Variants in PIKFYVE observed in about 807,000 individuals in gnomAD.
PIKFYVE encodes phosphoinositide kinase, FYVE-type zinc finger containing.
PIKFYVE carries 122 observed loss-of-function variants against 257.9 expected under a neutral mutation model. The ratio of observed to expected loss-of-function variants is 0.47; its 90% CI spans 0.41 to 0.55. The LOEUF (loss-of-function observed/expected upper bound fraction) is 0.55. Among genes scored for constraint, PIKFYVE ranks in the 20% least tolerant of loss-of-function variants. The pLI is 0.00. For missense variants in PIKFYVE, 2,160 were observed against 2,536.6 expected (o/e 0.85, Z 3.19); for synonymous variants, 892 against 868.9 (o/e 1.03, Z -0.47).
rs144272739 is a variant in PIKFYVE at position 208,270,744 on chromosome 2, A to G, written c.-9-767A>G. Reference sequence around the variant, plus strand: ...TTTTTATATTACTTTTTAAAATATAAAAGTTGAGGCCAGGCATGGTGGCTC... The same window carrying G: ...TTTTTATATTACTTTTTAAAATATAGAAGTTGAGGCCAGGCATGGTGGCTC... On this transcript the variant is annotated intron_variant, in intron 1 of 41. Coordinates refer to ENST00000264380, the MANE Select transcript of PIKFYVE (RefSeq NM_015040.4). 5.3e-5 allele frequency among the ~76,000 whole-genome samples: 8 copies of G among 152,258 alleles called. 1 individual carries two copies. In the East Asian group the frequency reaches 1.5e-3, roughly 29 times the overall value.
At chr2:208,275,005 T>A (rs1244426560) in intron 3 of PIKFYVE, among the ~76,000 whole-genome samples, 1 of 152,214 alleles carries the variant, frequency 6.6e-6, no homozygotes, top group Non-Finnish European at 1.5e-5. Context: ...AGGTGGAGCC[T>A]TTACTGTCTA....
rs73060453 is a variant in PIKFYVE, at chr2:208,344,926, A to T, written c.5028-185A>T. The stretch of plus-strand genomic sequence containing the variant: ...TGGGTCATATTTTGTATTACCTTCT[A>T]TGAAGACATTGACCTTCCTCATGAA... On this transcript the variant is annotated intron_variant, in intron 32 of 41. Coordinates refer to ENST00000264380, the MANE Select transcript of PIKFYVE (RefSeq NM_015040.4). 4.0e-3 allele frequency among the ~76,000 whole-genome samples: 607 copies of T among 152,240 alleles called. 3 individuals are homozygous for T. The highest frequency in any genetic ancestry group is 0.014 in the African/African-American group (568 of 41,550).
At chr2:208,274,121 G>T (rs1689788582) in intron 3 of PIKFYVE, 1 of 1,493,328 alleles carries the variant, frequency 6.7e-7, no homozygotes, top group African/African-American at 1.4e-5. Context: ...TGATATGCAT[G>T]CCTCTGGCTG....
intron 1 of PIKFYVE, among the ~76,000 whole-genome samples, chr2:208,267,024 G>A (rs1688725307): frequency 6.6e-6 from 1 of 152,178 alleles, no homozygotes; most frequent in Admixed American, 6.5e-5. Flanking sequence ...TTAGGACTTA[G>A]GGGTTTTCTG....
rs141154642 is a variant in PIKFYVE at position 208,325,814 on chromosome 2, A to G, written c.3003A>G (p.Gln1001=). 5.6e-5 allele frequency: 90 copies of G among 1,613,954 alleles called. No homozygotes were observed. Among genetic ancestry groups the G allele is most frequent in the Non-Finnish European group, 7.1e-5 (84 of 1,179,972 alleles). Residue 1001 remains glutamine (Q), a synonymous_variant, in exon 20 of 42, where the codon CAA becomes CAG. Transcript: ENST00000264380. ...GCGAGCAGCCAGAGACTTTGCAGCA[A>G]ACAGTTGTGCTGCAGGATCCCAAAA... ...LGSEQPETLQ[Q]TVVLQDPKSQ...
At position 208,325,569 on chromosome 2, in the gene PIKFYVE, G is replaced by C; in HGVS notation, c.2758G>C (p.Glu920Gln). Residue 920 changes from glutamate to glutamine, a missense_variant, in exon 20 of 42, where the codon GAG becomes CAG. Glu to Gln is a conservative substitution (Grantham distance 29, BLOSUM62 2). Coordinates refer to ENST00000264380, the MANE Select transcript of PIKFYVE (RefSeq NM_015040.4). ...CCCCTGGGATCCTGACATCCCTCCT[G>C]AGTCTCTGCCCTGTGATGATAGCAG... Reference protein sequence around the residue: ...SIPWDPDIPPESLPCDDSSLL... With the variant: ...SIPWDPDIPPQSLPCDDSSLL... 1 of 1,614,068 alleles carries C rather than the reference G, an allele frequency of 6.2e-7. No homozygotes were observed. The highest frequency in any genetic ancestry group is 8.5e-7 in the Non-Finnish European group (1 of 1,179,952).
intron 11 of PIKFYVE, 81 bp downstream of exon 11, chr2:208,304,399 A>G (rs1694075227): frequency 6.6e-7 from 1 of 1,524,698 alleles, no homozygotes; most frequent in East Asian, 2.3e-5. Context: ...TGTTTGTTGA[A>G]ATAATTCAGC....
chr2:208,325,404 C>T lies in PIKFYVE; in HGVS notation c.2593C>T (p.His865Tyr). The stretch of plus-strand genomic sequence containing the variant: ...AATATTTATGATCTGTGTTGCTTAT[C>T]ATTCTCAACTAGAAATATCCTTTCT... The part of the protein sequence containing the change: ...ILIFMICVAY[H>Y]SQLEISFLMD... Residue 865 changes from histidine to tyrosine, a missense_variant, in exon 20 of 42, where the codon CAT becomes TAT. Transcript: ENST00000264380. 1.2e-6 allele frequency: 2 copies of T among 1,614,174 alleles called. No homozygotes were observed. Among genetic ancestry groups the T allele is most frequent in the South Asian group, 1.1e-5 (1 of 91,084 alleles).
chr2:208,326,187 C>T lies in PIKFYVE; in HGVS notation c.3376C>T (p.Gln1126Ter), dbSNP rs1464403667. ...TGGAAGTATTCAGGCCAAGTCTATTCAAGTCTTACCCTCACATGAGCTAGT... is the reference window on the plus strand; with the variant it reads ...TGGAAGTATTCAGGCCAAGTCTATTTAAGTCTTACCCTCACATGAGCTAGT... ...MNGSIQAKSI[Q>*]VLPSHELVST... Residue 1126 changes from glutamine to a stop codon, truncating the protein, a stop_gained, in exon 20 of 42, where the codon CAA (glutamine) becomes TAA (stop). Transcript: ENST00000264380. LOFTEE classifies it high-confidence loss of function. The T allele has an allele frequency of 1.2e-6, 2 of 1,609,762 alleles. No individual in the cohort carries two copies. The highest frequency in any genetic ancestry group is 1.3e-5 in the African/African-American group (1 of 74,674).
chr2:208,268,943 A>C (rs1214397089), intron 1 of PIKFYVE, among the ~76,000 whole-genome samples: 1 of 152,088 alleles, frequency 6.6e-6, no homozygotes, highest in Non-Finnish European at 1.5e-5. Context: ...AGAGCTACAA[A>C]AGTAATTTTG....
chr2:208,298,746 A>G lies in PIKFYVE; in HGVS notation c.1017A>G (p.Thr339=). 1 of 1,614,198 alleles carries G rather than the reference A, an allele frequency of 6.2e-7. No homozygotes were observed. Among genetic ancestry groups the G allele is most frequent in the Non-Finnish European group, 8.5e-7 (1 of 1,180,012 alleles). Residue 339 remains threonine (T), a synonymous_variant, in exon 8 of 42, where the codon ACA becomes ACG. Transcript: ENST00000264380. ...SPQANRTYVR[T]ETTEDERKIL... ...AGGCTAACCGAACATATGTTAGGAC[A>G]GAGACCACTGAGGATGAACGCAAAA...
intron 12 of PIKFYVE, chr2:208,305,501 A>T: frequency 1.1e-6 from 1 of 874,820 alleles, no homozygotes; most frequent in African/African-American, 1.8e-5. Context: ...CATAATGCTT[A>T]TTATGTATAT....
chr2:208,328,638 G>A (rs1227671372), intron 21 of PIKFYVE, among the ~76,000 whole-genome samples: 1 of 152,130 alleles, frequency 6.6e-6, no homozygotes, highest in Admixed American at 6.5e-5. Flanking sequence ...TCTTGGGGAT[G>A]GGACCCAAGT....
At chr2:208,308,729 C>T (rs77569075) in intron 12 of PIKFYVE, among the ~76,000 whole-genome samples, 7,479 of 134,256 alleles carry the variant, frequency 0.056, 260 homozygotes, top group Middle Eastern at 0.081. Context: ...TTTTTTGAGA[C>T]GAAATTTTGC....
intron 18 of PIKFYVE, 124 bp from the exon 19 acceptor site, chr2:208,324,787 A>G (rs955093542): frequency 3.3e-6 from 4 of 1,198,914 alleles, no homozygotes; most frequent in Admixed American, 2.1e-5. Context: ...AATTCATCAT[A>G]TATTTATTAA....
chr2:208,337,617 A>G (rs962459306), intron 28 of PIKFYVE, among the ~76,000 whole-genome samples: 4 of 152,082 alleles, frequency 2.6e-5, no homozygotes, highest in African/African-American at 9.7e-5. Flanking sequence ...AGATATATCT[A>G]TACCTAGATG....
chr2:208,325,909 C>T lies in PIKFYVE; in HGVS notation c.3098C>T (p.Ser1033Phe). ...TTATATGTTACTGAGGAAGTCACCTCCTCTGAAGATAAACGAAAGACTTAT... is the reference window on the plus strand; with the variant it reads ...TTATATGTTACTGAGGAAGTCACCTTCTCTGAAGATAAACGAAAGACTTAT... ...TGLYVTEEVT[S>F]SEDKRKTYSL... Residue 1033 changes from serine (S) to phenylalanine (F), a missense_variant, in exon 20 of 42, where the codon TCC becomes TTC. Coordinates refer to ENST00000264380, the MANE Select transcript of PIKFYVE (RefSeq NM_015040.4). 1.2e-6 allele frequency: 2 copies of T among 1,614,050 alleles called. No homozygotes were observed. Among genetic ancestry groups the T allele is most frequent in the Admixed American group, 1.7e-5 (1 of 60,020 alleles).
chr2:208,322,258 G>A (rs572563913), intron 17 of PIKFYVE, among the ~76,000 whole-genome samples: 79 of 150,994 alleles, frequency 5.2e-4, no homozygotes, highest in African/African-American at 1.8e-3. Flanking sequence ...ATGTGTGCCT[G>A]TAGTCCTAGA....
intron 10 of PIKFYVE, 109 bp downstream of exon 10, chr2:208,302,462 T>A (rs1004270689): frequency 9.2e-7 from 1 of 1,083,308 alleles, no homozygotes; most frequent in Middle Eastern, 2.0e-4. Context: ...TTTCTAACAT[T>A]TTTTCCTGCT....
Sources: gnomAD v4.1 joint callset for allele counts (sites outside exome capture counted in the v4.1 genomes callset) on GRCh38, gnomAD v4.1.1 for gene constraint, MANE v1.5 for transcripts, NCBI Gene and HGNC (gene_info 2026-07-23, HGNC 2026-07-21) for gene names.